Variants in NDUFAF6 observed in about 807,000 individuals in gnomAD.
NDUFAF6 encodes the protein NADH:ubiquinone oxidoreductase complex assembly factor 6.
Under a neutral mutation model 40.8 loss-of-function variants are expected in NDUFAF6, and 45 were observed. The observed-to-expected ratio is 1.10, with a 90% CI of 0.87 to 1.42. The LOEUF is 1.42. Ranked by LOEUF, NDUFAF6 falls within the 40% of genes most tolerant of loss-of-function variation. The pLI, the probability that NDUFAF6 is intolerant of heterozygous loss-of-function variation, is 0.00. For missense variants in NDUFAF6, 435 were observed against 418.5 expected, an observed-to-expected ratio of 1.04 and a Z score of -0.34; for synonymous variants, 185 against 155.9, an observed-to-expected ratio of 1.19 and a Z score of -1.39.
intron 1 of NDUFAF6, among the ~76,000 whole-genome samples, chr8:95,027,046 A>G (rs573373937): frequency 1.3e-5 from 2 of 152,314 alleles, no homozygotes; most frequent in African/African-American, 4.8e-5. Context: ...ACCCTGTTTC[A>G]AAACAAACAA....
chr8:94,954,861 C>CT (rs1822941639), upstream of NDUFAF6, among the ~76,000 whole-genome samples: 1 of 152,216 alleles, frequency 6.6e-6, no homozygotes, highest in African/African-American at 2.4e-5. Context: ...CCACAGATCT[C>CT]TGAGAAGTCA....
At chr8:95,083,513 C>T (rs1377407731) in intron 2 of NDUFAF6, among the ~76,000 whole-genome samples, 1 of 152,196 alleles carries the variant, frequency 6.6e-6, no homozygotes, top group East Asian at 1.9e-4. Context: ...AGTTCTTAAG[C>T]TTTACTGTGC....
intron 1 of NDUFAF6, chr8:95,100,665 G>A (rs1296246213): frequency 6.6e-6 from 1 of 152,226 alleles, no homozygotes. Context: ...TTGGCTAAAT[G>A]ACGCAGCTTC....
At chr8:95,104,407 C>G (rs2132079376), downstream of NDUFAF6, among the ~76,000 whole-genome samples, 1 of 152,308 alleles carries the variant, frequency 6.6e-6, no homozygotes, top group East Asian at 1.9e-4. Context: ...TCACCTCGCT[C>G]ACACACCTAC....
intron 1 of NDUFAF6, among the ~76,000 whole-genome samples, chr8:94,934,363 T>A (rs1820758026): frequency 6.6e-6 from 1 of 152,062 alleles, no homozygotes; most frequent in Non-Finnish European, 1.5e-5. Context: ...CCAGTAAGTT[T>A]AAAGTGACTA....
intron 2 of NDUFAF6, among the ~76,000 whole-genome samples, chr8:95,032,948 TC>T (rs1291194720): frequency 6.6e-6 from 1 of 152,236 alleles, no homozygotes; most frequent in African/African-American, 2.4e-5. Flanking sequence ...TCATCCTTTT[TC>T]AAGTGTAAAC....
At chr8:94,954,980 C>T (rs1228021814), upstream of NDUFAF6, among the ~76,000 whole-genome samples, 1 of 152,162 alleles carries the variant, frequency 6.6e-6, no homozygotes, top group Non-Finnish European at 1.5e-5. Context: ...GAGATAAATA[C>T]ACTCTGTGCT....
chr8:94,977,061 T>C (rs1825012212), intron 1 of NDUFAF6, among the ~76,000 whole-genome samples: 1 of 143,756 alleles, frequency 7.0e-6, no homozygotes, highest in African/African-American at 2.6e-5. Context: ...TCACCTAAAC[T>C]CAGGGAGGTC....
At chr8:95,015,748 T>C (rs1243025021) in intron 2 of NDUFAF6, among the ~76,000 whole-genome samples, 1 of 152,202 alleles carries the variant, frequency 6.6e-6, no homozygotes, top group Non-Finnish European at 1.5e-5. Flanking sequence ...CAATACATAC[T>C]TTTATATAGT....
chr8:95,084,378 A>AT (rs956472121), intron 2 of NDUFAF6, among the ~76,000 whole-genome samples: 2 of 152,170 alleles, frequency 1.3e-5, no homozygotes, highest in African/African-American at 4.8e-5. Flanking sequence ...AAAATAAATA[A>AT]TTTTTTAATA....
chr8:94,897,241 T>C (rs1817686486), intron 1 of NDUFAF6, among the ~76,000 whole-genome samples: 1 of 152,218 alleles, frequency 6.6e-6, no homozygotes, highest in Non-Finnish European at 1.5e-5. Flanking sequence ...AACTAGTAAA[T>C]TGATTTTAAA....
intron 9 of NDUFAF6, among the ~76,000 whole-genome samples, chr8:95,070,140 T>A (rs1265591465): frequency 9.9e-5 from 15 of 152,092 alleles, no homozygotes; most frequent in Admixed American, 9.8e-4. Context: ...AGAATGTGGT[T>A]CTGCAGCTGG....
intron 1 of NDUFAF6, among the ~76,000 whole-genome samples, chr8:94,911,451 A>G (rs1818773481): frequency 6.6e-6 from 1 of 152,236 alleles, no homozygotes; most frequent in Non-Finnish European, 1.5e-5. Context: ...TTTGGAGTAG[A>G]ATATTAAAAT....
intron 1 of NDUFAF6, chr8:94,958,227 G>T (rs1160155490): frequency 1.3e-5 from 2 of 152,210 alleles, no homozygotes; most frequent in Admixed American, 6.5e-5. Flanking sequence ...TTCTGGAGCT[G>T]CCATAACTAA....
At chr8:94,967,765 C>A (rs1824128651) in intron 1 of NDUFAF6, among the ~76,000 whole-genome samples, 1 of 151,896 alleles carries the variant, frequency 6.6e-6, no homozygotes, top group Non-Finnish European at 1.5e-5. Context: ...ACATGCAAAA[C>A]CCCATCTCTA....
chr8:94,937,062 T>G (rs1821048741), intron 1 of NDUFAF6, among the ~76,000 whole-genome samples: 2 of 152,136 alleles, frequency 1.3e-5, no homozygotes, highest in Admixed American at 6.5e-5. Context: ...TGGGCTTTAC[T>G]TAACCAATGG....
chr8:94,948,941 C>A (rs1037382992), intron 2 of NDUFAF6, among the ~76,000 whole-genome samples: 2 of 151,094 alleles, frequency 1.3e-5, no homozygotes, highest in African/African-American at 2.4e-5. Context: ...CCCTGGGCCC[C>A]GGGGGCCGCC....
chr8:95,050,808 T>G (rs529828944), intron 7 of NDUFAF6, among the ~76,000 whole-genome samples: 1 of 152,298 alleles, frequency 6.6e-6, no homozygotes, highest in African/African-American at 2.4e-5. Flanking sequence ...TATATATATA[T>G]GTATACATAC....
chr8:95,110,293 A>G (rs1809963336), intron 4 of NDUFAF6, among the ~76,000 whole-genome samples: 2 of 152,204 alleles, frequency 1.3e-5, no homozygotes. Flanking sequence ...TTTACCCAGC[A>G]ACTGTCAAGA....
Sources: gnomAD v4.1 joint callset for allele counts (sites outside exome capture counted in the v4.1 genomes callset) on GRCh38, gnomAD v4.1.1 for gene constraint, MANE v1.5 for transcripts, NCBI Gene and HGNC (gene_info 2026-07-23, HGNC 2026-07-21) for gene names.